The following PTPRD variants were observed in gnomAD, a reference collection of about 807,000 sequenced individuals.
PTPRD encodes receptor-type tyrosine-protein phosphatase delta.
In PTPRD, 34 loss-of-function variants were observed where a neutral mutation model predicts 214.5. The ratio of observed to expected loss-of-function variants is 0.16; its 90% CI spans 0.12 to 0.21. The LOEUF (loss-of-function observed/expected upper bound fraction) is 0.21. PTPRD is among the 10% of genes least tolerant of loss of function. The pLI is 1.00. For synonymous variants in PTPRD, 1,128 were observed against 845.7 expected (o/e 1.33, Z -5.79); for missense variants, 2,545 against 2,398.7 (o/e 1.06, Z -1.27).
intron 7 of PTPRD, among the ~76,000 whole-genome samples, chr9:9,629,143 C>T (rs967127643): frequency 6.6e-6 from 1 of 151,082 alleles, no homozygotes; most frequent in African/African-American, 2.4e-5. Flanking sequence ...CATTGCACTC[C>T]AGCCTGGGTG....
intron 9 of PTPRD, among the ~76,000 whole-genome samples, chr9:9,210,690 A>G (rs1186349788): frequency 1.3e-5 from 2 of 152,038 alleles, no homozygotes; most frequent in African/African-American, 4.8e-5. Context: ...TGCCACATAC[A>G]TGTGCCACAT....
Position 10,465,732 on chromosome 9 carries a change from G to A in PTPRD, c.-599-124715C>T, listed in dbSNP as rs139458357. On this transcript the variant is annotated intron_variant, in intron 2 of 45. Coordinates refer to ENST00000381196, the MANE Select transcript of PTPRD (RefSeq NM_002839.4). Reference sequence around the variant, plus strand: ...TTGTAGCCTAGAAGAACCAGGCTATGCCATATAGCCTAGGTGTGTAGGCTA... The same window carrying A: ...TTGTAGCCTAGAAGAACCAGGCTATACCATATAGCCTAGGTGTGTAGGCTA... Among the ~76,000 whole-genome samples, 658 of 152,316 alleles carry A rather than the reference G, an allele frequency of 4.3e-3. 1 individual carries two copies. The highest frequency in any genetic ancestry group is 0.01 in the Middle Eastern group (3 of 294).
chr9:8,411,692 C>CT (rs1243735945), intron 35 of PTPRD, among the ~76,000 whole-genome samples: 10 of 152,126 alleles, frequency 6.6e-5, no homozygotes, highest in African/African-American at 2.4e-4. Context: ...AGACAATGTG[C>CT]TAGAGGAATA....
intron 5 of PTPRD, among the ~76,000 whole-genome samples, chr9:9,771,473 G>A (rs879564096): frequency 6.6e-6 from 1 of 152,166 alleles, no homozygotes; most frequent in Admixed American, 6.5e-5. Context: ...ATAACCATAA[G>A]AAGTTGAGCT....
chr9:10,033,842 T>C (rs2097128270), intron 3 of PTPRD, 52 bp from the exon 4 acceptor site: 2 of 152,220 alleles, frequency 1.3e-5, no homozygotes, highest in South Asian at 4.1e-4. Flanking sequence ...GGCAGTTGTA[T>C]TATGTCACAT....
chr9:9,899,857 G>T (rs1177211011), intron 5 of PTPRD, among the ~76,000 whole-genome samples: 1 of 152,140 alleles, frequency 6.6e-6, no homozygotes, highest in East Asian at 1.9e-4. Flanking sequence ...TGGAACACTA[G>T]TCTTAAGAAA....
intron 2 of PTPRD, among the ~76,000 whole-genome samples, chr9:10,575,106 A>T (rs1397281316): frequency 6.6e-6 from 1 of 151,954 alleles, no homozygotes; most frequent in East Asian, 1.9e-4. Flanking sequence ...GATTACTGAA[A>T]TCACTGGCTA....
chr9:8,432,975 G>A (rs1266607430), intron 35 of PTPRD, among the ~76,000 whole-genome samples: 3 of 152,226 alleles, frequency 2.0e-5, no homozygotes, highest in African/African-American at 4.8e-5. Flanking sequence ...ATGGCTAAAT[G>A]AGGATCATTA....
chr9:8,316,068 T>C lies in PTPRD; in HGVS notation c.*1806A>G. On this transcript the variant is annotated 3_prime_UTR_variant, in exon 46 of 46. Transcript: ENST00000381196. ...AGTTACTGCATGTTCCAGAGCGGAT[T>C]TGGAAGGGAATATAAATAAAACAAG... is the stretch of plus-strand genomic sequence containing the variant. 4.4e-6 allele frequency: 1 copy of C among 229,348 alleles called. No individual in the cohort carries two copies. Among genetic ancestry groups the C allele is most frequent in the Non-Finnish European group, 8.7e-6 (1 of 115,346 alleles). The allele number at this position is 229,348 out of a possible 1,614,324, so 14.2% of individuals were successfully genotyped here.
At chr9:8,486,824 G>A (rs183242232) in intron 27 of PTPRD, among the ~76,000 whole-genome samples, 176 of 152,060 alleles carry the variant, frequency 1.2e-3, no homozygotes, top group African/African-American at 3.7e-3. Flanking sequence ...CTACATTCTC[G>A]GATTAGTTAT....
At chr9:9,654,874 T>C (rs1451882451) in intron 7 of PTPRD, among the ~76,000 whole-genome samples, 1 of 152,142 alleles carries the variant, frequency 6.6e-6, no homozygotes, top group Non-Finnish European at 1.5e-5. Flanking sequence ...ATAAAATTGG[T>C]CATAGCAATG....
intron 12 of PTPRD, among the ~76,000 whole-genome samples, chr9:8,694,688 A>G (rs1482578668): frequency 3.9e-5 from 6 of 152,194 alleles, no homozygotes; most frequent in Non-Finnish European, 7.3e-5. Flanking sequence ...AAAATTCACA[A>G]ATTCAATTCA....
chr9:8,421,134 AC>A (rs2094330787), intron 35 of PTPRD, among the ~76,000 whole-genome samples: 1 of 152,164 alleles, frequency 6.6e-6, no homozygotes, highest in Non-Finnish European at 1.5e-5. Flanking sequence ...CTTATTCATG[AC>A]TTGATAAATG....
chr9:9,330,605 T>C (rs1428891664), intron 9 of PTPRD, among the ~76,000 whole-genome samples: 2 of 152,094 alleles, frequency 1.3e-5, no homozygotes, highest in Non-Finnish European at 1.5e-5. Context: ...ATTGTATAAA[T>C]GTATGATGAT....
chr9:10,338,931 T>C (rs1289780693), intron 3 of PTPRD, among the ~76,000 whole-genome samples: 1 of 147,986 alleles, frequency 6.8e-6, no homozygotes, highest in Non-Finnish European at 1.5e-5. Context: ...GTCATAAATA[T>C]AATGTAGACA....
In PTPRD at chr9:8,864,669, T is replaced by C. The variant is rs187773541; in HGVS notation, c.-103-130723A>G. On this transcript the variant is annotated intron_variant, in intron 11 of 45. Coordinates refer to ENST00000381196, the MANE Select transcript of PTPRD (RefSeq NM_002839.4). The stretch of plus-strand genomic sequence containing the variant: ...TCACGTTGCAGGGAGCGCATTCCTA[T>C]GCAGTTCAGGGATTATAAATGACCA... Among the ~76,000 whole-genome samples the C allele has an allele frequency of 5.9e-5, 9 of 152,318 alleles. No individual in the cohort carries two copies. The East Asian group carries it at 7.7e-4, about 13-fold the overall frequency.
At chr9:10,296,796 A>G (rs189207287) in intron 3 of PTPRD, among the ~76,000 whole-genome samples, 5 of 152,168 alleles carry the variant, frequency 3.3e-5, no homozygotes, top group Admixed American at 3.3e-4. Flanking sequence ...TTTCACTGTC[A>G]TTGCTTCTGA....
At chr9:8,814,464 A>C (rs944227716) in intron 11 of PTPRD, among the ~76,000 whole-genome samples, 2 of 152,320 alleles carry the variant, frequency 1.3e-5, no homozygotes, top group Middle Eastern at 3.4e-3. Context: ...CCTGAAGCTG[A>C]GACCAATAGG....
rs558692493 is a variant in PTPRD, at chr9:9,328,119, T to C, written c.-203+69330A>G. On this transcript the variant is annotated intron_variant, in intron 9 of 45. Transcript: ENST00000381196. ...TACTCTAAACTCTGTGAATTTAGAT[T>C]AAGTAGATTTGAATCCAACATGACA... 1.2e-4 allele frequency among the ~76,000 whole-genome samples: 18 copies of C among 152,220 alleles called. No individual in the cohort carries two copies. In the East Asian group the frequency reaches 3.5e-3, roughly 29 times the overall value.
Sources: gnomAD v4.1 joint callset for allele counts (sites outside exome capture counted in the v4.1 genomes callset) on GRCh38, gnomAD v4.1.1 for gene constraint, MANE v1.5 for transcripts, NCBI Gene and HGNC (gene_info 2026-07-23, HGNC 2026-07-21) for gene names.